RIN2: variants seen among roughly 807,000 people sequenced by gnomAD.
RIN2 encodes the protein Ras and Rab interactor 2, also known as RAB5 interacting protein 2.
RIN2 carries 36 observed loss-of-function variants against 78.0 expected under a neutral mutation model. The observed-to-expected ratio is 0.46, with a 90% confidence interval of 0.35 to 0.61. The LOEUF is 0.61. Among genes scored for constraint, RIN2 ranks in the 20% least tolerant of loss-of-function variants. RIN2 has a pLI of 0.00. For synonymous variants in RIN2, 466 were observed against 466.8 expected, an observed-to-expected ratio of 1.00 and a Z score of 0.02; for missense variants, 1,087 against 1,159.7, an observed-to-expected ratio of 0.94 and a Z score of 0.91.
At position 19,996,826 on chromosome 20, in the gene RIN2, CTG is replaced by C; in HGVS notation, c.2351_2352del (p.Val784GlyfsTer32). 6.3e-7 allele frequency: 1 copy of C among 1,595,434 alleles called. No homozygotes were observed. Among genetic ancestry groups the C allele is most frequent in the Non-Finnish European group, 8.5e-7 (1 of 1,170,418 alleles). On this transcript the variant is annotated frameshift_variant, in exon 12 of 13. Transcript: ENST00000255006. LOFTEE classifies it high-confidence loss of function. Reference sequence around the variant, plus strand: ...AGAACCACCAACCGGACCATCCCCTCTGTGGACGACTTCCAGGTGTGCAGCTG... The same window carrying C: ...AGAACCACCAACCGGACCATCCCCTCTGGACGACTTCCAGGTGTGCAGCTG...
At chr20:19,854,128 A>G (rs1056024178) in intron 2 of RIN2, among the ~76,000 whole-genome samples, 3 of 152,158 alleles carry the variant, frequency 2.0e-5, no homozygotes, top group Non-Finnish European at 2.9e-5. Flanking sequence ...ACCATTTATT[A>G]AATAGGGAAT....
At chr20:19,895,326 A>G (rs906280684) in intron 3 of RIN2, among the ~76,000 whole-genome samples, 1 of 152,200 alleles carries the variant, frequency 6.6e-6, no homozygotes, top group Non-Finnish European at 1.5e-5. Context: ...CTTATAGCAA[A>G]GAATGGTGCC....
Position 19,935,189 on chromosome 20 carries a change from G to A in RIN2, c.148G>A (p.Glu50Lys), listed in dbSNP as rs1203633616. The change falls in exon 4 of 13, where the codon GAA becomes AAA. Residue 50 changes from glutamate (E) to lysine (K), a missense_variant. By Grantham distance (56) the Glu-to-Lys change is moderately conservative. Transcript: ENST00000255006. ...VNLENGLEPA[E>K]THSMVRHKDG... The stretch of plus-strand genomic sequence containing the variant: ...CCTGGAAAATGGCCTGGAACCCGCT[G>A]AAACCCACAGGTGACCAGAGACACG... The A allele has an allele frequency of 6.3e-7, 1 of 1,598,144 alleles. No homozygotes were observed. The highest frequency in any genetic ancestry group is 1.7e-5 in the Admixed American group (1 of 57,726).
chr20:19,878,939 G>C (rs1044986770), intron 2 of RIN2, among the ~76,000 whole-genome samples: 1 of 152,152 alleles, frequency 6.6e-6, no homozygotes, highest in South Asian at 2.1e-4. Context: ...AACCACACCT[G>C]CCCTGTCTGG....
intron 2 of RIN2, among the ~76,000 whole-genome samples, chr20:19,841,837 C>A (rs983067387): frequency 6.6e-6 from 1 of 152,210 alleles, no homozygotes; most frequent in Non-Finnish European, 1.5e-5. Context: ...AGAAAAGAGG[C>A]CATCTGCAGG....
rs1439929532 is a variant in RIN2, at chr20:19,799,723, G to A, written c.-61G>A. ...GGTTGGGCTGAACTGCAGTGGGAGA[G>A]GAGAAGAGATGCTGGCGTGAAGGGG... On this transcript the variant is annotated 5_prime_UTR_variant, in exon 2 of 13. Coordinates refer to ENST00000255006, the MANE Select transcript of RIN2 (RefSeq NM_018993.4). 1 of 152,144 alleles carries A rather than the reference G, an allele frequency of 6.6e-6. No individual in the cohort carries two copies. Among genetic ancestry groups the A allele is most frequent in the Admixed American group, 6.6e-5 (1 of 15,230 alleles). 9.4% of individuals were successfully genotyped at this position (152,144 alleles called of 1,614,324 possible).
intron 2 of RIN2, among the ~76,000 whole-genome samples, chr20:19,806,389 C>G (rs984316535): frequency 7.2e-5 from 11 of 152,184 alleles, no homozygotes; most frequent in Non-Finnish European, 1.5e-4. Context: ...TCTGTTGTTT[C>G]CTGACTTTTT....
At position 19,973,054 on chromosome 20, in the gene RIN2, C is replaced by G. The variant is rs950247236; in HGVS notation, c.629-1600C>G. Reference sequence around the variant, plus strand: ...GTTATTTTATACTTACAGCATATCTCAAACTCAGGCCCTGAATGTTTGTCA... The same window carrying G: ...GTTATTTTATACTTACAGCATATCTGAAACTCAGGCCCTGAATGTTTGTCA... On this transcript the variant is annotated intron_variant, in intron 8 of 12. Coordinates refer to ENST00000255006, the MANE Select transcript of RIN2 (RefSeq NM_018993.4). Among the ~76,000 whole-genome samples the G allele has an allele frequency of 3.9e-5, 6 of 152,284 alleles. No individual in the cohort carries two copies. The East Asian group carries it at 1.2e-3, about 29-fold the overall frequency.
intron 1 of RIN2, among the ~76,000 whole-genome samples, chr20:19,789,616 C>T (rs2034824903): frequency 6.6e-6 from 1 of 152,198 alleles, no homozygotes; most frequent in South Asian, 2.1e-4. Context: ...TGCCTGCTCC[C>T]TGTAGGTGGC....
chr20:19,802,714 T>A (rs1887124974), intron 2 of RIN2, among the ~76,000 whole-genome samples: 2 of 152,108 alleles, frequency 1.3e-5, no homozygotes, highest in African/African-American at 4.8e-5. Context: ...CATCCCCTTC[T>A]CCACCTTGAC....
Position 20,000,654 on chromosome 20 carries a change from C to A in RIN2, c.2406C>A (p.Cys802Ter). 6.2e-7 allele frequency: 1 copy of A among 1,608,388 alleles called. No individual in the cohort carries two copies. Among genetic ancestry groups the A allele is most frequent in the Non-Finnish European group, 8.5e-7 (1 of 1,175,294 alleles). The change falls in exon 13 of 13, where the codon TGC becomes TGA. Residue 802 changes from cysteine (C) to a stop codon, truncating the protein, a stop_gained. Coordinates refer to ENST00000255006, the MANE Select transcript of RIN2 (RefSeq NM_018993.4). LOFTEE classifies it high-confidence loss of function. ...RVAFQEVNSG[C>*]TGKTLLVRPY... ...CATTTCAGGAGGTCAACAGTGGTTG[C>A]ACAGGAAAGACCCTCCTTGTGAGAC...
intron 4 of RIN2, among the ~76,000 whole-genome samples, chr20:19,951,460 G>A (rs1284927168): frequency 6.6e-6 from 1 of 152,206 alleles, no homozygotes; most frequent in Non-Finnish European, 1.5e-5. Flanking sequence ...CACACTGGGG[G>A]CACTTGATGT....
intron 3 of RIN2, chr20:19,895,674 C>T (rs2038688910): frequency 1.3e-5 from 2 of 152,224 alleles, no homozygotes; most frequent in Non-Finnish European, 2.9e-5. Flanking sequence ...ACTTGAGAGG[C>T]CCTCTTTGGT....
chr20:19,834,081 G>T (rs2036333044), intron 2 of RIN2, among the ~76,000 whole-genome samples: 1 of 152,108 alleles, frequency 6.6e-6, no homozygotes, highest in African/African-American at 2.4e-5. Flanking sequence ...TGGGTGCAAG[G>T]TTTTCCCCTA....
intron 2 of RIN2, among the ~76,000 whole-genome samples, chr20:19,856,213 G>A (rs538226735): frequency 6.6e-6 from 1 of 152,164 alleles, no homozygotes; most frequent in East Asian, 1.9e-4. Context: ...AATGCGCATG[G>A]GAAAAACTGT....
chr20:19,884,780 C>T (rs2038128694), intron 2 of RIN2, among the ~76,000 whole-genome samples: 1 of 152,132 alleles, frequency 6.6e-6, no homozygotes, highest in South Asian at 2.1e-4. Flanking sequence ...GAGCCACCTC[C>T]ATTTCCTCCT....
intron 12 of RIN2, among the ~76,000 whole-genome samples, chr20:19,998,099 C>T (rs1170579603): frequency 6.6e-6 from 1 of 151,928 alleles, no homozygotes; most frequent in East Asian, 2.0e-4. Flanking sequence ...CTGCCTCAGC[C>T]TCCGGAGTAG....
At chr20:19,930,477 C>T (rs2040399039) in intron 3 of RIN2, among the ~76,000 whole-genome samples, 1 of 152,190 alleles carries the variant, frequency 6.6e-6, no homozygotes, top group Non-Finnish European at 1.5e-5. Flanking sequence ...GATGCCCATT[C>T]TGATGAGAAT....
intron 2 of RIN2, among the ~76,000 whole-genome samples, chr20:19,875,111 T>C (rs2037815080): frequency 6.6e-6 from 1 of 151,864 alleles, no homozygotes. Flanking sequence ...TCCACCCACC[T>C]CGGTCCCCCA....
Sources: gnomAD v4.1 joint callset for allele counts (sites outside exome capture counted in the v4.1 genomes callset) on GRCh38, gnomAD v4.1.1 for gene constraint, MANE v1.5 for transcripts, NCBI Gene and HGNC (gene_info 2026-07-23, HGNC 2026-07-21) for gene names.